SMARCC1: variants seen among roughly 807,000 people sequenced by gnomAD.
The protein encoded by SMARCC1 is SWI/SNF complex subunit SMARCC1.
In SMARCC1, 43 loss-of-function variants were observed where a neutral mutation model predicts 147.4. That is an observed-to-expected ratio of 0.29 (90% CI 0.23 to 0.38). The LOEUF is 0.38. Among genes scored for constraint, SMARCC1 ranks in the 10% least tolerant of loss-of-function variants. SMARCC1 has a pLI of 1.00. For synonymous variants in SMARCC1, 495 were observed against 484.4 expected, an observed-to-expected ratio of 1.02 and a Z score of -0.29; for missense variants, 1,119 against 1,381.1, an observed-to-expected ratio of 0.81 and a Z score of 3.01.
At chr3:47,648,532 GTGTGT>G (rs2033148292) in intron 21 of SMARCC1, among the ~76,000 whole-genome samples, 1 of 152,082 alleles carries the variant, frequency 6.6e-6, no homozygotes, top group Non-Finnish European at 1.5e-5. Flanking sequence ...GACAACAAGT[GTGTGT>G]CACCATATCT....
intron 7 of SMARCC1, among the ~76,000 whole-genome samples, chr3:47,717,608 G>A (rs1364728167): frequency 6.6e-6 from 1 of 152,076 alleles, no homozygotes; most frequent in Non-Finnish European, 1.5e-5. Flanking sequence ...CTGTTGCCCA[G>A]GCTGGAGTGC....
chr3:47,645,277 C>T (rs975158796), intron 21 of SMARCC1, among the ~76,000 whole-genome samples: 8 of 149,544 alleles, frequency 5.3e-5, no homozygotes, highest in Non-Finnish European at 1.2e-4. Flanking sequence ...GGTGACAGAG[C>T]GAGACCCTGT....
intron 9 of SMARCC1, among the ~76,000 whole-genome samples, chr3:47,708,161 G>A (rs1352774443): frequency 5.7e-5 from 7 of 121,908 alleles, no homozygotes; most frequent in East Asian, 5.4e-4. Context: ...GTGCAGTGGC[G>A]CGATCTCAGC....
chr3:47,726,979 G>A (rs2034307348), intron 6 of SMARCC1, among the ~76,000 whole-genome samples: 1 of 152,030 alleles, frequency 6.6e-6, no homozygotes, highest in South Asian at 2.1e-4. Context: ...GGAGGCTGAG[G>A]CGTTTGGATC....
rs897555597 is a variant in SMARCC1 at position 47,771,059 on chromosome 3, C to T, written c.315+1758G>A. ...CCAAGGAGCTGGGACCACAGGCACCCGCCACCACGCCCGGCTAATTTTTGT... is the reference window on the plus strand; with the variant it reads ...CCAAGGAGCTGGGACCACAGGCACCTGCCACCACGCCCGGCTAATTTTTGT... On this transcript the variant is annotated intron_variant, in intron 2 of 27. Transcript: ENST00000254480. 2.6e-5 allele frequency among the ~76,000 whole-genome samples: 4 copies of T among 152,022 alleles called. No individual in the cohort carries two copies. In the South Asian group the frequency reaches 6.2e-4, roughly 24 times the overall value.
intron 14 of SMARCC1, among the ~76,000 whole-genome samples, chr3:47,680,794 G>C (rs1289112667): frequency 6.6e-6 from 1 of 151,868 alleles, no homozygotes; most frequent in African/African-American, 2.4e-5. Context: ...TGATCCGCCC[G>C]CCTCGGCCTC....
chr3:47,626,518 G>A (rs146262842), intron 24 of SMARCC1, among the ~76,000 whole-genome samples: 1 of 150,400 alleles, frequency 6.6e-6, no homozygotes, highest in Non-Finnish European at 1.5e-5. Flanking sequence ...AAAGAGACGA[G>A]TAAATGGCAG....
intron 25 of SMARCC1, among the ~76,000 whole-genome samples, chr3:47,614,089 A>C (rs1559625900): frequency 1.3e-5 from 2 of 152,146 alleles, no homozygotes; most frequent in Admixed American, 6.5e-5. Context: ...GTAAATAATC[A>C]CACCTTCCTT....
At chr3:47,592,440 C>A (rs56678048) in intron 26 of SMARCC1, among the ~76,000 whole-genome samples, 1 of 152,190 alleles carries the variant, frequency 6.6e-6, no homozygotes, top group African/African-American at 2.4e-5. Flanking sequence ...TTGATATCCT[C>A]CTCCAACCAT....
intron 5 of SMARCC1, among the ~76,000 whole-genome samples, chr3:47,731,944 T>C (rs2034379554): frequency 6.6e-6 from 1 of 152,206 alleles, no homozygotes; most frequent in African/African-American, 2.4e-5. Flanking sequence ...AGCCCCAAAA[T>C]AGCCTGGCTG....
Position 47,585,698 on chromosome 3 carries a change from T to C in SMARCC1, c.*2511A>G, listed in dbSNP as rs1365154846. 6.6e-6 allele frequency: 1 copy of C among 152,208 alleles called. No homozygotes were observed. Among genetic ancestry groups the C allele is most frequent in the Non-Finnish European group, 1.5e-5 (1 of 68,048 alleles). The allele number at this position is 152,208 out of a possible 1,614,324, so 9.4% of individuals were successfully genotyped here. ...CTTCCACTCATTTTCACTTTGACCA[T>C]GCAAATGAACAGTGGGTGAGGTACC... On this transcript the variant is annotated 3_prime_UTR_variant, in exon 28 of 28. Transcript: ENST00000254480.
chr3:47,762,625 G>A (rs34203418), intron 2 of SMARCC1, among the ~76,000 whole-genome samples: 1 of 152,206 alleles, frequency 6.6e-6, no homozygotes, highest in South Asian at 2.1e-4. Flanking sequence ...AATAAATTTA[G>A]AAAATGTTGA....
chr3:47,600,947 A>T (rs1173270050), intron 26 of SMARCC1, among the ~76,000 whole-genome samples: 1 of 142,810 alleles, frequency 7.0e-6, no homozygotes, highest in African/African-American at 2.5e-5. Flanking sequence ...CTTTTCCATT[A>T]AAAAAAAAAA....
chr3:47,777,741 T>C (rs541347804), intron 1 of SMARCC1, among the ~76,000 whole-genome samples: 4 of 151,062 alleles, frequency 2.6e-5, no homozygotes, highest in African/African-American at 9.7e-5. Context: ...TTGGCCAGGC[T>C]GGTCTCGAAC....
chr3:47,634,355 T>C (rs182176993), intron 24 of SMARCC1, among the ~76,000 whole-genome samples: 2 of 152,132 alleles, frequency 1.3e-5, no homozygotes, highest in African/African-American at 2.4e-5. Flanking sequence ...AATCTTGTAG[T>C]TTGAATTGGT....
intron 8 of SMARCC1, 81 bp downstream of exon 8, chr3:47,714,334 G>T: frequency 1.2e-6 from 1 of 816,472 alleles, no homozygotes; most frequent in Non-Finnish European, 2.1e-6. Flanking sequence ...CTCCACTCTA[G>T]CCTGGGCGAC....
At chr3:47,780,431 A>C (rs575179741) in intron 1 of SMARCC1, among the ~76,000 whole-genome samples, 7 of 152,088 alleles carry the variant, frequency 4.6e-5, no homozygotes, top group African/African-American at 1.7e-4. Context: ...CGGCCTTCCA[A>C]GCCGCGCCCG....
chr3:47,610,086 G>A lies in SMARCC1; in HGVS notation c.3023C>T (p.Pro1008Leu), dbSNP rs1334395491. ...PYPLMHHQMP[P>L]PHPPQPGQIP... Reference sequence around the variant, plus strand: ...CTTACCTGGCTGGGGTGGATGAGGTGGTGGCATCTGGTGGTGCATCAGAGG... The same window carrying A: ...CTTACCTGGCTGGGGTGGATGAGGTAGTGGCATCTGGTGGTGCATCAGAGG... Residue 1008 changes from proline (P) to leucine (L), a missense_variant, in exon 26 of 28, where the codon CCA becomes CTA. Physicochemically the swap from Pro to Leu is moderately conservative, Grantham distance 98. Around this residue, in one of 6 missense-constraint regions of SMARCC1, gnomAD observed 186 missense variants for 216.5 expected, o/e 0.86. Transcript: ENST00000254480. 1 of 1,612,660 alleles carries A rather than the reference G, an allele frequency of 6.2e-7. No individual in the cohort carries two copies. Among genetic ancestry groups the A allele is most frequent in the East Asian group, 2.2e-5 (1 of 44,878 alleles).
chr3:47,613,382 T>A (rs1360476869), intron 25 of SMARCC1, among the ~76,000 whole-genome samples: 2 of 151,764 alleles, frequency 1.3e-5, no homozygotes, highest in African/African-American at 4.8e-5. Flanking sequence ...GGAGAACTTT[T>A]CTCTTTTTTT....
Sources: allele counts gnomAD v4.1 joint callset (sites outside exome capture counted in the v4.1 genomes callset), GRCh38; gene constraint gnomAD v4.1.1; regional missense constraint gnomAD v4.1.1; transcripts MANE v1.5; gene names NCBI Gene and HGNC (gene_info 2026-07-23, HGNC 2026-07-21).